The following NCKAP5 variants were observed in gnomAD, a reference collection of about 807,000 sequenced individuals.
NCKAP5 encodes NCK associated protein 5.
NCKAP5 carries 92 observed loss-of-function variants against 167.0 expected under a neutral mutation model. That is an observed-to-expected ratio of 0.55 (90% CI 0.47 to 0.66). The LOEUF (loss-of-function observed/expected upper bound fraction) is 0.66. NCKAP5 is among the 30% of genes least tolerant of loss of function. The pLI is 0.00. For missense variants in NCKAP5, 2,378 were observed against 2,315.0 expected (o/e 1.03, Z -0.56); for synonymous variants, 891 against 877.4 (o/e 1.02, Z -0.27).
intron 3 of NCKAP5, among the ~76,000 whole-genome samples, chr2:133,311,491 G>A (rs1213315822): frequency 6.6e-6 from 1 of 152,138 alleles, no homozygotes; most frequent in Non-Finnish European, 1.5e-5. Flanking sequence ...AGGTAGGAAT[G>A]ACTGATTACA....
intron 2 of NCKAP5, among the ~76,000 whole-genome samples, chr2:133,551,083 G>T (rs1283573863): frequency 6.6e-6 from 1 of 150,628 alleles, no homozygotes; most frequent in Non-Finnish European, 1.5e-5. Context: ...CACTGCTCAA[G>T]GAAATAAAAG....
At chr2:133,569,785 C>G (rs571129021), upstream of NCKAP5, among the ~76,000 whole-genome samples, 5 of 152,154 alleles carry the variant, frequency 3.3e-5, no homozygotes, top group African/African-American at 1.2e-4. Flanking sequence ...TCCCAAGACC[C>G]CAATATATGC....
chr2:132,781,997 C>A lies in NCKAP5; in HGVS notation c.4814G>T (p.Arg1605Ile). 6.2e-7 allele frequency: 1 copy of A among 1,613,982 alleles called. No homozygotes were observed. Among genetic ancestry groups the A allele is most frequent in the Non-Finnish European group, 8.5e-7 (1 of 1,179,892 alleles). The change falls in exon 14 of 20, where the codon AGA becomes ATA. Residue 1605 changes from arginine to isoleucine, a missense_variant. By Grantham distance (97) the Arg-to-Ile change is moderately conservative. Transcript: ENST00000409261. ...YNQLKIEPRN[R>I]HSPVACSTKD... ...CGTTGAACATGCAACAGGGCTGTGT[C>A]TATTCCTTGGTTCAATCTTCAGTTG...
At chr2:133,239,135 T>C (rs2087560485) in intron 4 of NCKAP5, among the ~76,000 whole-genome samples, 1 of 152,234 alleles carries the variant, frequency 6.6e-6, no homozygotes, top group African/African-American at 2.4e-5. Context: ...TCAAAGTCCA[T>C]TTAATACATT....
At chr2:133,139,169 T>C (rs906880261) in intron 5 of NCKAP5, among the ~76,000 whole-genome samples, 1 of 152,180 alleles carries the variant, frequency 6.6e-6, no homozygotes, top group African/African-American at 2.4e-5. Flanking sequence ...CTTCTAATCA[T>C]TGGAAGGTTC....
chr2:133,291,497 A>G (rs980836084), intron 4 of NCKAP5, among the ~76,000 whole-genome samples: 5 of 152,188 alleles, frequency 3.3e-5, no homozygotes, highest in African/African-American at 4.8e-5. Flanking sequence ...GATCTCCCCT[A>G]TTGGTAAAAT....
At chr2:133,200,435 G>A (rs1344128472) in intron 5 of NCKAP5, among the ~76,000 whole-genome samples, 2 of 152,060 alleles carry the variant, frequency 1.3e-5, no homozygotes, top group East Asian at 3.9e-4. Context: ...AAAAGAATGA[G>A]GTTGGACCCA....
intron 19 of NCKAP5, among the ~76,000 whole-genome samples, chr2:132,692,591 C>G (rs1456818837): frequency 6.6e-6 from 1 of 151,764 alleles, no homozygotes; most frequent in East Asian, 1.9e-4. Flanking sequence ...ATAGTATGAA[C>G]TCTATAAGTA....
At chr2:133,130,194 G>A in intron 5 of NCKAP5, 83 bp from the exon 6 acceptor site, 1 of 1,446,952 alleles carries the variant, frequency 6.9e-7, no homozygotes, top group Non-Finnish European at 9.3e-7. Flanking sequence ...GTGATAACTT[G>A]AGCTTTATAT....
intron 3 of NCKAP5, among the ~76,000 whole-genome samples, chr2:133,312,309 G>A (rs1409624345): frequency 6.6e-6 from 1 of 152,166 alleles, no homozygotes; most frequent in Non-Finnish European, 1.5e-5. Context: ...CAGCTTAGCA[G>A]ATCTTCAGAG....
intron 8 of NCKAP5, among the ~76,000 whole-genome samples, chr2:132,936,143 G>T (rs368037932): frequency 6.6e-6 from 1 of 151,754 alleles, no homozygotes; most frequent in Non-Finnish European, 1.5e-5. Flanking sequence ...CACCATGCCC[G>T]GCTAATTTTT....
chr2:132,840,584 G>A (rs971380784), intron 11 of NCKAP5, among the ~76,000 whole-genome samples: 4 of 152,082 alleles, frequency 2.6e-5, no homozygotes, highest in Admixed American at 6.6e-5. Flanking sequence ...GCTTCATACA[G>A]CATTTTAAGT....
intron 8 of NCKAP5, among the ~76,000 whole-genome samples, chr2:132,891,955 C>T (rs75357833): frequency 0.025 from 3,857 of 152,280 alleles, 72 homozygotes; most frequent in Non-Finnish European, 0.039. Flanking sequence ...CAGAATGTAA[C>T]GAACATGGAG....
chr2:132,827,617 G>T (rs1413097578), intron 11 of NCKAP5, among the ~76,000 whole-genome samples: 1 of 152,128 alleles, frequency 6.6e-6, no homozygotes, highest in Non-Finnish European at 1.5e-5. Flanking sequence ...GTAGTAGAGG[G>T]ATAAAATACC....
intron 3 of NCKAP5, among the ~76,000 whole-genome samples, chr2:133,515,875 C>T (rs1575090305): frequency 1.3e-5 from 2 of 152,334 alleles, no homozygotes; most frequent in Admixed American, 6.5e-5. Context: ...TACCAATTCC[C>T]ACAACAAAAT....
upstream of NCKAP5, among the ~76,000 whole-genome samples, chr2:133,568,948 T>C (rs1416513717): frequency 6.6e-6 from 1 of 152,222 alleles, no homozygotes; most frequent in African/African-American, 2.4e-5. Flanking sequence ...CATTCTAGTG[T>C]CTCAGCTTGG....
At chr2:133,338,607 TA>T (rs1683369579) in intron 3 of NCKAP5, among the ~76,000 whole-genome samples, 1 of 152,206 alleles carries the variant, frequency 6.6e-6, no homozygotes, top group Admixed American at 6.5e-5. Flanking sequence ...AGGCCTGTTA[TA>T]TGGTGTTATC....
chr2:132,774,913 G>A lies in NCKAP5; in HGVS notation c.5050-1019C>T, dbSNP rs927665637. ...AAAATGGTGGCACTGGGATTTAAACGCAACAAATCTGACTCCGGATTTGTG... is the reference window on the plus strand; with the variant it reads ...AAAATGGTGGCACTGGGATTTAAACACAACAAATCTGACTCCGGATTTGTG... On this transcript the variant is annotated intron_variant, in intron 15 of 19. Transcript: ENST00000409261. Among the ~76,000 whole-genome samples, 12 of 152,300 alleles carry A rather than the reference G, an allele frequency of 7.9e-5. No individual in the cohort carries two copies. In the South Asian group the frequency reaches 8.3e-4, roughly 11 times the overall value.
intron 3 of NCKAP5, among the ~76,000 whole-genome samples, chr2:133,336,331 C>T (rs1419249026): frequency 2.0e-5 from 3 of 152,008 alleles, no homozygotes; most frequent in Non-Finnish European, 4.4e-5. Context: ...ACCAAGTAAG[C>T]GGCTAAGTTG....
Sources: allele counts gnomAD v4.1 joint callset (sites outside exome capture counted in the v4.1 genomes callset), GRCh38; gene constraint gnomAD v4.1.1; transcripts MANE v1.5; gene names NCBI Gene and HGNC (gene_info 2026-07-23, HGNC 2026-07-21).